FSTL5: variants seen among roughly 807,000 people sequenced by gnomAD.
FSTL5 encodes follistatin-related protein 5.
Under a neutral mutation model 89.1 loss-of-function variants are expected in FSTL5, and 62 were observed. The observed-to-expected ratio is 0.70, with a 90% CI of 0.57 to 0.86. The LOEUF (loss-of-function observed/expected upper bound fraction) is 0.86. Among genes scored for constraint, FSTL5 ranks in the 40% least tolerant of loss-of-function variants. The pLI is 0.00. For synonymous variants in FSTL5, 383 were observed against 346.2 expected, an observed-to-expected ratio of 1.11 and a Z score of -1.18; for missense variants, 1,057 against 1,001.6, an observed-to-expected ratio of 1.06 and a Z score of -0.75.
intron 8 of FSTL5, among the ~76,000 whole-genome samples, chr4:161,550,367 C>A (rs989702791): frequency 1.3e-5 from 2 of 151,744 alleles, no homozygotes; most frequent in African/African-American, 4.8e-5. Flanking sequence ...TTTTGAAATA[C>A]AAAATACACT....
At chr4:162,039,613 C>T (rs1737871575) in intron 2 of FSTL5, among the ~76,000 whole-genome samples, 1 of 151,900 alleles carries the variant, frequency 6.6e-6, no homozygotes, top group Admixed American at 6.6e-5. Context: ...TGTGATTTTT[C>T]TTTGACTAAT....
chr4:162,078,516 T>C (rs113880108), intron 2 of FSTL5, among the ~76,000 whole-genome samples: 5 of 151,910 alleles, frequency 3.3e-5, no homozygotes, highest in East Asian at 2.0e-4. Flanking sequence ...CGTTCTCCCA[T>C]CTCCCAGAGT....
intron 4 of FSTL5, among the ~76,000 whole-genome samples, chr4:161,903,388 G>A (rs376613206): frequency 6.6e-6 from 1 of 151,688 alleles, no homozygotes; most frequent in Admixed American, 6.6e-5. Context: ...AAAATAAAAA[G>A]AAAATAAAAA....
At chr4:161,409,032 T>C (rs1460413675) in intron 15 of FSTL5, among the ~76,000 whole-genome samples, 1 of 151,992 alleles carries the variant, frequency 6.6e-6, no homozygotes, top group Admixed American at 6.6e-5. Flanking sequence ...ACTAGAGAGG[T>C]CAACATGCAA....
chr4:161,460,984 T>C (rs927957597), intron 13 of FSTL5, among the ~76,000 whole-genome samples: 13 of 152,136 alleles, frequency 8.5e-5, no homozygotes, highest in African/African-American at 2.7e-4. Flanking sequence ...TTGTAGTTTC[T>C]GTATTGTAAA....
chr4:161,610,676 T>C (rs913301945), intron 7 of FSTL5, among the ~76,000 whole-genome samples: 3 of 152,138 alleles, frequency 2.0e-5, no homozygotes, highest in African/African-American at 7.2e-5. Flanking sequence ...ATGTTGAAAT[T>C]GAAAACTAGG....
intron 4 of FSTL5, among the ~76,000 whole-genome samples, chr4:161,895,913 G>T (rs569123244): frequency 1.3e-5 from 2 of 151,910 alleles, no homozygotes; most frequent in African/African-American, 4.8e-5. Flanking sequence ...AATATAGGGG[G>T]GCATATCTAC....
At chr4:162,085,587 G>A (rs1380102608) in intron 2 of FSTL5, among the ~76,000 whole-genome samples, 1 of 152,034 alleles carries the variant, frequency 6.6e-6, no homozygotes, top group Non-Finnish European at 1.5e-5. Context: ...CATCCAATAC[G>A]TATCTGGTGC....
At chr4:161,424,488 GT>G (rs535459592) in intron 15 of FSTL5, among the ~76,000 whole-genome samples, 61 of 146,418 alleles carry the variant, frequency 4.2e-4, no homozygotes, top group African/African-American at 1.5e-3. Flanking sequence ...TTGCATTTTT[GT>G]TTACTTAAAT....
chr4:162,114,539 C>CGG (rs1731563126), intron 1 of FSTL5, among the ~76,000 whole-genome samples: 1 of 38,546 alleles, frequency 2.6e-5, no homozygotes, highest in Non-Finnish European at 5.4e-5. Flanking sequence ...GACACACACA[C>CGG]ACACACACAC....
chr4:161,469,320 T>C (rs1733854092), intron 13 of FSTL5, among the ~76,000 whole-genome samples: 1 of 152,222 alleles, frequency 6.6e-6, no homozygotes, highest in Admixed American at 6.5e-5. Flanking sequence ...TATTCATCTG[T>C]CAACAGACAC....
At chr4:161,392,789 A>C (rs143894947) in intron 15 of FSTL5, among the ~76,000 whole-genome samples, 1 of 152,292 alleles carries the variant, frequency 6.6e-6, no homozygotes, top group East Asian at 1.9e-4. Flanking sequence ...GGTGGCATAG[A>C]AGAAACAGAG....
At chr4:161,604,865 C>T (rs773284732) in intron 7 of FSTL5, among the ~76,000 whole-genome samples, 1 of 152,156 alleles carries the variant, frequency 6.6e-6, no homozygotes, top group African/African-American at 2.4e-5. Context: ...CCTAAAAGAA[C>T]ACAGCAGAAC....
intron 3 of FSTL5, among the ~76,000 whole-genome samples, chr4:161,922,464 G>T (rs13116556): frequency 0.63 from 96,133 of 151,690 alleles, 30,541 homozygotes; most frequent in Middle Eastern, 0.71. Context: ...TTTATGTAAT[G>T]CAGTAGTTCT....
chr4:161,910,284 T>C (rs1217330973), intron 4 of FSTL5, among the ~76,000 whole-genome samples: 1 of 152,128 alleles, frequency 6.6e-6, no homozygotes, highest in East Asian at 1.9e-4. Flanking sequence ...AACTCTTCAT[T>C]CTTCTCAATC....
At chr4:161,727,678 G>A (rs1739468236) in intron 6 of FSTL5, among the ~76,000 whole-genome samples, 1 of 152,096 alleles carries the variant, frequency 6.6e-6, no homozygotes, top group Admixed American at 6.6e-5. Context: ...TTTCTACTGT[G>A]TTGAAAACAT....
chr4:161,769,334 C>G (rs537006425), intron 5 of FSTL5, among the ~76,000 whole-genome samples: 1 of 151,832 alleles, frequency 6.6e-6, no homozygotes, highest in Non-Finnish European at 1.5e-5. Context: ...AAACTCATTC[C>G]ATGAGACCAG....
chr4:162,162,459 G>A (rs773133958), intron 1 of FSTL5, among the ~76,000 whole-genome samples: 13 of 151,444 alleles, frequency 8.6e-5, no homozygotes, highest in South Asian at 2.1e-4. Flanking sequence ...CCCCACCCCC[G>A]TCCTTTTCCA....
intron 8 of FSTL5, among the ~76,000 whole-genome samples, chr4:161,573,595 T>C (rs561995654): frequency 1.5e-4 from 22 of 149,916 alleles, no homozygotes; most frequent in Non-Finnish European, 2.7e-4. Context: ...CAGCCAGGCA[T>C]GGTGGTGCAT....
Sources: allele counts gnomAD v4.1 joint callset (sites outside exome capture counted in the v4.1 genomes callset), GRCh38; gene constraint gnomAD v4.1.1; transcripts MANE v1.5; gene names NCBI Gene and HGNC (gene_info 2026-07-23, HGNC 2026-07-21).